Variants in SLC41A2 observed in about 807,000 individuals in gnomAD.
SLC41A2 encodes the protein SLC41A1-like 1.
Under a neutral mutation model 58.3 loss-of-function variants are expected in SLC41A2, and 32 were observed. That is an observed-to-expected ratio of 0.55 (90% CI 0.41 to 0.74). SLC41A2 has a LOEUF of 0.74. Ranked by LOEUF, SLC41A2 falls within the 30% of genes least tolerant of loss-of-function variation. The pLI is 0.00. For missense variants in SLC41A2, 514 were observed against 680.6 expected, an observed-to-expected ratio of 0.76 and a Z score of 2.72; for synonymous variants, 190 against 235.0, an observed-to-expected ratio of 0.81 and a Z score of 1.75.
intron 3 of SLC41A2, among the ~76,000 whole-genome samples, chr12:104,908,039 C>A (rs919363301): frequency 6.6e-6 from 1 of 152,010 alleles, no homozygotes; most frequent in Non-Finnish European, 1.5e-5. Context: ...CAGAGGCAGG[C>A]GGATCACCTG....
intron 1 of SLC41A2, among the ~76,000 whole-genome samples, chr12:104,943,720 G>A (rs1178676773): frequency 6.6e-6 from 1 of 152,198 alleles, no homozygotes; most frequent in African/African-American, 2.4e-5. Context: ...AGGGGGGACT[G>A]AGAGACAGGA....
At chr12:104,846,243 A>G (rs1416865076) in intron 8 of SLC41A2, among the ~76,000 whole-genome samples, 1 of 152,230 alleles carries the variant, frequency 6.6e-6, no homozygotes, top group East Asian at 1.9e-4. Context: ...ATCAAAACCA[A>G]GAAATAAAAT....
At chr12:104,916,920 A>T (rs1187516377) in intron 2 of SLC41A2, among the ~76,000 whole-genome samples, 123 of 151,832 alleles carry the variant, frequency 8.1e-4, no homozygotes, top group African/African-American at 2.3e-3. Context: ...GTGGGCAAGG[A>T]CTTCATGTCT....
intron 1 of SLC41A2, among the ~76,000 whole-genome samples, chr12:104,943,347 G>A (rs796907551): frequency 6.6e-6 from 1 of 151,652 alleles, no homozygotes; most frequent in Non-Finnish European, 1.5e-5. Flanking sequence ...AGACCCTGGG[G>A]CCTCCTCAGC....
chr12:104,824,998 T>C (rs1486120001), intron 10 of SLC41A2, among the ~76,000 whole-genome samples: 1 of 150,606 alleles, frequency 6.6e-6, no homozygotes, highest in East Asian at 1.9e-4. Context: ...TAAACCGCCC[T>C]AACTGGGCCA....
chr12:104,937,095 A>C (rs2047314137), intron 1 of SLC41A2, among the ~76,000 whole-genome samples: 1 of 152,266 alleles, frequency 6.6e-6, no homozygotes, highest in Non-Finnish European at 1.5e-5. Flanking sequence ...ATGACAGAGC[A>C]AGACCCTGCC....
At chr12:104,910,457 A>C (rs1439927390) in intron 2 of SLC41A2, among the ~76,000 whole-genome samples, 1 of 152,198 alleles carries the variant, frequency 6.6e-6, no homozygotes, top group Non-Finnish European at 1.5e-5. Flanking sequence ...AAATGAAAAT[A>C]ATATCCACCC....
chr12:104,951,745 T>C (rs937429204), intron 1 of SLC41A2, among the ~76,000 whole-genome samples: 3 of 151,662 alleles, frequency 2.0e-5, no homozygotes, highest in Non-Finnish European at 2.9e-5. Context: ...ATATGATTGA[T>C]ATATTTTCAT....
At chr12:104,866,601 AAAAGAG>A in intron 6 of SLC41A2, 22 bp from the exon 7 acceptor site, 11 of 1,539,016 alleles carry the variant, frequency 7.1e-6, no homozygotes, top group Non-Finnish European at 9.6e-6. Flanking sequence ...AAAAAAAAAA[AAAAGAG>A]AGACAACATT....
At chr12:104,885,732 T>G (rs983865376) in intron 6 of SLC41A2, among the ~76,000 whole-genome samples, 1 of 152,186 alleles carries the variant, frequency 6.6e-6, no homozygotes, top group African/African-American at 2.4e-5. Flanking sequence ...TTATCAGGAA[T>G]TACATATATG....
At chr12:104,864,892 G>A (rs1430483981) in intron 7 of SLC41A2, among the ~76,000 whole-genome samples, 3 of 151,938 alleles carry the variant, frequency 2.0e-5, no homozygotes, top group African/African-American at 4.8e-5. Flanking sequence ...AAGTACTGAT[G>A]GTACTTTCCT....
At chr12:104,932,624 CAAAAAAAAAAAA>C (rs544329617) in intron 1 of SLC41A2, among the ~76,000 whole-genome samples, 1 of 46,068 alleles carries the variant, frequency 2.2e-5, no homozygotes, top group African/African-American at 8.7e-5. Flanking sequence ...GACTTTGTCT[CAAAAAAAAAAAA>C]AAAAAAAAAA....
chr12:104,875,934 G>A (rs1157548980), intron 6 of SLC41A2, among the ~76,000 whole-genome samples: 2 of 152,200 alleles, frequency 1.3e-5, no homozygotes, highest in African/African-American at 4.8e-5. Flanking sequence ...GCTTTTCTTT[G>A]TTGGGAGGAT....
At position 104,953,412 on chromosome 12, in the gene SLC41A2, C is replaced by T. The variant is rs141588448; in HGVS notation, c.-168+4676G>A. On this transcript the variant is annotated intron_variant, in intron 1 of 10. Transcript: ENST00000258538. ...AGGAGAAAACAAGATTAAAGGAACA[C>T]TTTTCTTTCTCTCCACCCCCATCAC... Among the ~76,000 whole-genome samples the T allele has an allele frequency of 3.7e-4, 56 of 152,304 alleles. No homozygotes were observed. In the East Asian group the frequency reaches 0.011, roughly 29 times the overall value.
At chr12:104,807,182 G>T (rs1478684182) in intron 10 of SLC41A2, among the ~76,000 whole-genome samples, 3 of 152,112 alleles carry the variant, frequency 2.0e-5, no homozygotes, top group African/African-American at 7.2e-5. Context: ...TTTCTTCTAG[G>T]GTTTTTATGG....
At chr12:104,931,739 C>T (rs2047060353) in intron 1 of SLC41A2, 1 of 152,250 alleles carries the variant, frequency 6.6e-6, no homozygotes, top group Admixed American at 6.5e-5. Flanking sequence ...CTCCTTCTAC[C>T]ACCACCATCA....
At chr12:104,816,739 A>G (rs1460416389) in intron 10 of SLC41A2, among the ~76,000 whole-genome samples, 1 of 152,206 alleles carries the variant, frequency 6.6e-6, no homozygotes, top group Non-Finnish European at 1.5e-5. Context: ...ATTTACAACC[A>G]CAATGTGACC....
At chr12:104,873,616 A>G (rs193157567) in intron 6 of SLC41A2, among the ~76,000 whole-genome samples, 1 of 152,292 alleles carries the variant, frequency 6.6e-6, no homozygotes. Flanking sequence ...TGTTTTCCAT[A>G]AAACTGCACC....
At chr12:104,906,582 G>T (rs1017292856) in intron 3 of SLC41A2, among the ~76,000 whole-genome samples, 1 of 152,074 alleles carries the variant, frequency 6.6e-6, no homozygotes, top group African/African-American at 2.4e-5. Flanking sequence ...TATTCCTAAG[G>T]ATATATTTGT....
Sources: allele counts gnomAD v4.1 joint callset (sites outside exome capture counted in the v4.1 genomes callset), GRCh38; gene constraint gnomAD v4.1.1; transcripts MANE v1.5; gene names NCBI Gene and HGNC (gene_info 2026-07-23, HGNC 2026-07-21).